Variants in LRRTM4 observed in about 807,000 individuals in gnomAD.
The protein encoded by LRRTM4 is leucine-rich repeat transmembrane neuronal protein 4.
LRRTM4 carries 25 observed loss-of-function variants against 47.6 expected under a neutral mutation model. That is an observed-to-expected ratio of 0.53 (90% CI 0.38 to 0.73). LRRTM4 has a LOEUF of 0.73. LRRTM4 is among the 30% of genes least tolerant of loss of function. The probability of loss-of-function intolerance (pLI) is 0.00; values close to 1 mark genes in which losing one functional copy is unlikely to be tolerated. For missense variants in LRRTM4, 638 were observed against 713.4 expected, an observed-to-expected ratio of 0.89 and a Z score of 1.20; for synonymous variants, 311 against 269.5, an observed-to-expected ratio of 1.15 and a Z score of -1.51.
chr2:77,264,009 GTT>G (rs200452484), intron 3 of LRRTM4, among the ~76,000 whole-genome samples: 4 of 147,720 alleles, frequency 2.7e-5, no homozygotes, highest in East Asian at 4.0e-4. Flanking sequence ...ACTTCTTTAA[GTT>G]TTTTTTTTTA....
intron 3 of LRRTM4, among the ~76,000 whole-genome samples, chr2:77,456,392 T>C (rs1676541855): frequency 6.6e-6 from 1 of 152,188 alleles, no homozygotes; most frequent in African/African-American, 2.4e-5. Context: ...TTTCCACAAA[T>C]AATTTGCATT....
intron 3 of LRRTM4, among the ~76,000 whole-genome samples, chr2:76,768,940 C>G: frequency 6.6e-6 from 1 of 152,048 alleles, no homozygotes; most frequent in East Asian, 1.9e-4. Flanking sequence ...AAAACTGACA[C>G]AAAGAAATGT....
chr2:77,445,434 C>T (rs1676014546), intron 3 of LRRTM4, among the ~76,000 whole-genome samples: 1 of 151,850 alleles, frequency 6.6e-6, no homozygotes, highest in Non-Finnish European at 1.5e-5. Flanking sequence ...ACACCAAATG[C>T]CCAGCATATT....
At chr2:77,147,581 A>G (rs901229773) in intron 3 of LRRTM4, among the ~76,000 whole-genome samples, 2 of 152,132 alleles carry the variant, frequency 1.3e-5, no homozygotes, top group Admixed American at 1.3e-4. Context: ...TTCCCCAAAT[A>G]CCACTGAAGC....
intron 3 of LRRTM4, among the ~76,000 whole-genome samples, chr2:77,075,070 T>A (rs887879767): frequency 6.6e-6 from 1 of 152,170 alleles, no homozygotes; most frequent in Non-Finnish European, 1.5e-5. Context: ...TGCATAAAAA[T>A]TTAAGATTTA....
chr2:77,114,429 C>A (rs1047177372), intron 3 of LRRTM4, among the ~76,000 whole-genome samples: 1 of 152,054 alleles, frequency 6.6e-6, no homozygotes, highest in Non-Finnish European at 1.5e-5. Context: ...TCCCTGTGAC[C>A]CGTAGTTAAC....
chr2:77,072,800 CAA>C (rs373786120), intron 3 of LRRTM4, among the ~76,000 whole-genome samples: 5 of 78,742 alleles, frequency 6.3e-5, no homozygotes, highest in African/African-American at 2.0e-4. Context: ...CTCCGTCTTC[CAA>C]AAAAAAAAAA....
intron 3 of LRRTM4, among the ~76,000 whole-genome samples, chr2:77,435,731 A>G (rs1460721220): frequency 1.3e-5 from 2 of 152,160 alleles, no homozygotes; most frequent in South Asian, 2.1e-4. Context: ...TCAATTCAAG[A>G]TGTTAATAGT....
intron 3 of LRRTM4, among the ~76,000 whole-genome samples, chr2:77,498,375 G>A (rs920875440): frequency 2.6e-5 from 4 of 151,704 alleles, no homozygotes; most frequent in African/African-American, 9.7e-5. Context: ...TTTTCCCTGA[G>A]GCTAGTTTCC....
chr2:76,841,693 T>C (rs1181759804), intron 3 of LRRTM4, among the ~76,000 whole-genome samples: 1 of 149,026 alleles, frequency 6.7e-6, no homozygotes, highest in Admixed American at 6.7e-5. Flanking sequence ...ACTGTGTATA[T>C]ATATATAAAA....
intron 3 of LRRTM4, among the ~76,000 whole-genome samples, chr2:77,306,000 G>C (rs1033571544): frequency 6.6e-6 from 1 of 152,038 alleles, no homozygotes. Flanking sequence ...ATTTAACCAT[G>C]TATTATGACC....
chr2:77,085,534 C>A (rs936161244), intron 3 of LRRTM4, among the ~76,000 whole-genome samples: 1 of 151,784 alleles, frequency 6.6e-6, no homozygotes, highest in Non-Finnish European at 1.5e-5. Context: ...CATGGAATCA[C>A]GTATTAAGAA....
At chr2:77,006,375 T>C (rs553398265) in intron 3 of LRRTM4, among the ~76,000 whole-genome samples, 1 of 152,310 alleles carries the variant, frequency 6.6e-6, no homozygotes, top group Admixed American at 6.5e-5. Flanking sequence ...AAAGAGATGT[T>C]CCCTGTGCTA....
At chr2:77,249,324 TG>T (rs1675538510) in intron 3 of LRRTM4, among the ~76,000 whole-genome samples, 1 of 152,008 alleles carries the variant, frequency 6.6e-6, no homozygotes, top group Non-Finnish European at 1.5e-5. Flanking sequence ...CACTCCAGCC[TG>T]GGTGACAATA....
At chr2:77,153,571 G>A (rs1672484034) in intron 3 of LRRTM4, among the ~76,000 whole-genome samples, 6 of 152,094 alleles carry the variant, frequency 3.9e-5, no homozygotes, top group African/African-American at 1.4e-4. Context: ...AGGGCCACAT[G>A]CCTTATTTGA....
intron 3 of LRRTM4, among the ~76,000 whole-genome samples, chr2:77,340,497 A>G (rs1305253530): frequency 1.3e-5 from 2 of 151,982 alleles, no homozygotes; most frequent in East Asian, 1.9e-4. Flanking sequence ...TGGAACATCA[A>G]ATATAAACTT....
At chr2:77,280,803 A>G (rs1676489131) in intron 3 of LRRTM4, among the ~76,000 whole-genome samples, 1 of 152,020 alleles carries the variant, frequency 6.6e-6, no homozygotes, top group East Asian at 1.9e-4. Flanking sequence ...AATACTTATC[A>G]TTATTTTGAT....
chr2:77,255,758 TG>T (rs1286723615), intron 3 of LRRTM4, among the ~76,000 whole-genome samples: 5 of 152,100 alleles, frequency 3.3e-5, no homozygotes, highest in Non-Finnish European at 5.9e-5. Context: ...ATATGTGGTT[TG>T]TACCTCAAGC....
At chr2:76,931,666 G>A (rs1263672248) in intron 3 of LRRTM4, among the ~76,000 whole-genome samples, 1 of 152,126 alleles carries the variant, frequency 6.6e-6, no homozygotes, top group East Asian at 1.9e-4. Flanking sequence ...GGATCTAACT[G>A]CCTTTACAGA....
Sources: gnomAD v4.1 joint callset for allele counts (sites outside exome capture counted in the v4.1 genomes callset) on GRCh38, gnomAD v4.1.1 for gene constraint, MANE v1.5 for transcripts, NCBI Gene and HGNC (gene_info 2026-07-23, HGNC 2026-07-21) for gene names.